The following RXRA variants were observed in gnomAD, a reference collection of about 807,000 sequenced individuals.
RXRA encodes retinoid X receptor alpha, also known as retinoic acid receptor RXR-alpha.
In RXRA, 5 loss-of-function variants were observed where a neutral mutation model predicts 44.5. The observed-to-expected ratio is 0.11, with a 90% CI of 0.06 to 0.24. The LOEUF (loss-of-function observed/expected upper bound fraction) is 0.24, where lower values mean the gene tolerates loss of function less well. Among genes scored for constraint, RXRA ranks in the 10% least tolerant of loss-of-function variants. RXRA has a pLI of 1.00. For synonymous variants in RXRA, 291 were observed against 271.4 expected, an observed-to-expected ratio of 1.07 and a Z score of -0.71; for missense variants, 412 against 646.5, an observed-to-expected ratio of 0.64 and a Z score of 3.93.
chr9:134,423,886 A>G (rs1588304983), intron 6 of RXRA: 2 of 985,152 alleles, frequency 2.0e-6, no homozygotes, highest in Non-Finnish European at 2.4e-6. Flanking sequence ...CCCCACCCCA[A>G]CCCACCAGAC....
At chr9:134,360,860 G>A (rs1452920374) in intron 1 of RXRA, among the ~76,000 whole-genome samples, 1 of 152,228 alleles carries the variant, frequency 6.6e-6, no homozygotes, top group Non-Finnish European at 1.5e-5. Flanking sequence ...GAAGCCTGCT[G>A]GGGGGATGCT....
At chr9:134,339,621 CTG>C (rs1169540078) in intron 1 of RXRA, among the ~76,000 whole-genome samples, 4 of 129,722 alleles carry the variant, frequency 3.1e-5, no homozygotes, top group Non-Finnish European at 6.5e-5. Context: ...GTGTGAGTCT[CTG>C]TGTGTGTGAG....
At position 134,384,661 on chromosome 9, in the gene RXRA, C is replaced by T. The variant is rs572709158; in HGVS notation, c.29-16971C>T. Among the ~76,000 whole-genome samples, 7 of 152,246 alleles carry T rather than the reference C, an allele frequency of 4.6e-5. No individual in the cohort carries two copies. In the East Asian group the frequency reaches 1.4e-3, roughly 29 times the overall value. ...GGGCCAGAGCTGGAGGAAGAGGCTGCGGTGGGGCTGTACTGGGCCGTCACC... is the reference window on the plus strand; with the variant it reads ...GGGCCAGAGCTGGAGGAAGAGGCTGTGGTGGGGCTGTACTGGGCCGTCACC... On this transcript the variant is annotated intron_variant, in intron 1 of 9. Transcript: ENST00000481739.
chr9:134,330,024 C>T (rs1834978594), intron 1 of RXRA, among the ~76,000 whole-genome samples: 1 of 152,214 alleles, frequency 6.6e-6, no homozygotes, highest in African/African-American at 2.4e-5. Flanking sequence ...TTTACAGGTC[C>T]ACCCAGTGCC....
rs547813849 is a variant in RXRA, at chr9:134,417,575, G to A, written c.780+248G>A. On this transcript the variant is annotated intron_variant, in intron 5 of 9. Coordinates refer to ENST00000481739, the MANE Select transcript of RXRA (RefSeq NM_002957.6). This position sits in a 1 kb window ranked among gnomAD's most constrained non-coding sequence, Gnocchi z 6.1. ...GGCAGGGGCCAGGGGCCAGGGGCCC[G>A]GGGCCTGGGGCCCTGCGGCCACATC... Among the ~76,000 whole-genome samples the A allele has an allele frequency of 2.6e-5, 4 of 151,714 alleles. No homozygotes were observed. The highest frequency in any genetic ancestry group is 7.3e-5 in the African/African-American group (3 of 41,138).
At chr9:134,392,230 G>T (rs73556204) in intron 1 of RXRA, among the ~76,000 whole-genome samples, 7,431 of 152,088 alleles carry the variant, frequency 0.049, 272 homozygotes, top group Non-Finnish European at 0.067. Context: ...TTCTTTCCAC[G>T]GGGACTCTGC....
intron 1 of RXRA, among the ~76,000 whole-genome samples, chr9:134,364,431 G>A (rs1830389664): frequency 6.6e-6 from 1 of 152,224 alleles, no homozygotes; most frequent in Non-Finnish European, 1.5e-5. Flanking sequence ...GGTGTCTTTG[G>A]GAACAATGTC....
intron 4 of RXRA, among the ~76,000 whole-genome samples, chr9:134,416,393 C>T (rs1485930350): frequency 6.6e-6 from 1 of 152,188 alleles, no homozygotes; most frequent in Non-Finnish European, 1.5e-5. Flanking sequence ...TGCCTGCAAG[C>T]ATCGCTCTAT....
Position 134,401,897 on chromosome 9 carries a change from G to T in RXRA, c.279+15G>T. On this transcript the variant is annotated intron_variant, in intron 2 of 9. Transcript: ENST00000481739. ...GCAGCCCCCAGGTGAGTGCGGGGCT[G>T]GGGCAAGGGGAGGGGGTGGGGCCTG... The T allele has an allele frequency of 6.3e-7, 1 of 1,586,508 alleles. No individual in the cohort carries two copies. The highest frequency in any genetic ancestry group is 8.6e-7 in the Non-Finnish European group (1 of 1,164,124).
At chr9:134,355,836 C>G (rs1186243157) in intron 1 of RXRA, among the ~76,000 whole-genome samples, 1 of 152,176 alleles carries the variant, frequency 6.6e-6, no homozygotes, top group African/African-American at 2.4e-5. Flanking sequence ...TGGGCTCACC[C>G]TGCCCTGGAG....
intron 4 of RXRA, among the ~76,000 whole-genome samples, chr9:134,412,120 G>A (rs542499138): frequency 4.0e-4 from 61 of 152,344 alleles, no homozygotes; most frequent in African/African-American, 1.2e-3. Context: ...CCCCGACAGC[G>A]GAGGGCAGGG....
intron 4 of RXRA, among the ~76,000 whole-genome samples, chr9:134,416,052 C>G (rs1416256047): frequency 6.6e-6 from 1 of 151,240 alleles, no homozygotes; most frequent in African/African-American, 2.4e-5. Flanking sequence ...GGACCAGAGC[C>G]CCAGCTCAGG....
intron 1 of RXRA, among the ~76,000 whole-genome samples, chr9:134,369,794 T>G (rs1452389891): frequency 6.6e-6 from 1 of 152,088 alleles, no homozygotes; most frequent in Non-Finnish European, 1.5e-5. Context: ...GGCAGAGGTG[T>G]GGGAGGAGAG....
At position 134,367,973 on chromosome 9, in the gene RXRA, C is replaced by T. The variant is rs959562840; in HGVS notation, c.29-33659C>T. Among the ~76,000 whole-genome samples, 5 of 152,368 alleles carry T rather than the reference C, an allele frequency of 3.3e-5. No homozygotes were observed. The East Asian group carries it at 5.8e-4, about 18-fold the overall frequency. On this transcript the variant is annotated intron_variant, in intron 1 of 9. Coordinates refer to ENST00000481739, the MANE Select transcript of RXRA (RefSeq NM_002957.6). ...ATCGGCCTTGCCGGAGATGCTCGGC[C>T]GATAAGCCGCTCCCTGCCTGCTCAG...
At chr9:134,370,679 C>G (rs951069565) in intron 1 of RXRA, among the ~76,000 whole-genome samples, 1 of 152,256 alleles carries the variant, frequency 6.6e-6, no homozygotes, top group Non-Finnish European at 1.5e-5. Context: ...CGTGTGCTGG[C>G]TGGGCCCTGG....
chr9:134,408,445 A>G (rs1173135819), intron 3 of RXRA, 146 bp downstream of exon 3: 6 of 817,806 alleles, frequency 7.3e-6, no homozygotes, highest in Non-Finnish European at 1.1e-5. Context: ...GCCATGCCCC[A>G]CTCCCAGGGC....
chr9:134,433,639 A>G lies in RXRA; in HGVS notation c.1136-463A>G, dbSNP rs1233384412. Among the ~76,000 whole-genome samples, 1 of 151,938 alleles carries G rather than the reference A, an allele frequency of 6.6e-6. No homozygotes were observed. Among genetic ancestry groups the G allele is most frequent in the Non-Finnish European group, 1.5e-5 (1 of 67,976 alleles). On this transcript the variant is annotated intron_variant, in intron 8 of 9. Transcript: ENST00000481739. The surrounding 1 kb of genome is among the most constrained non-coding windows in gnomAD (Gnocchi z 4.2). Reference sequence around the variant, plus strand: ...CCGGGTCCTGAGCTCAGGACTCCGCAAGCACACCGAGGATGGGTTTCCGCA... The same window carrying G: ...CCGGGTCCTGAGCTCAGGACTCCGCGAGCACACCGAGGATGGGTTTCCGCA...
At chr9:134,378,829 G>A (rs1830597166) in intron 1 of RXRA, among the ~76,000 whole-genome samples, 2 of 152,186 alleles carry the variant, frequency 1.3e-5, no homozygotes, top group Non-Finnish European at 2.9e-5. Flanking sequence ...CAGGAGTCCC[G>A]GCAGCTTCAG....
chr9:134,429,022 C>T, intron 6 of RXRA, 86 bp from the exon 7 acceptor site: 2 of 1,539,980 alleles, frequency 1.3e-6, no homozygotes, highest in South Asian at 1.2e-5. Context: ...GACATGCTGC[C>T]TCTGTAGGGT....
Sources: gnomAD v4.1 joint callset for allele counts (sites outside exome capture counted in the v4.1 genomes callset) on GRCh38, gnomAD v4.1.1 for gene constraint, Gnocchi (gnomAD v3.1) non-coding constraint, MANE v1.5 for transcripts, NCBI Gene and HGNC (gene_info 2026-07-23, HGNC 2026-07-21) for gene names.